Variants in BMPER observed in about 807,000 individuals in gnomAD.
The protein encoded by BMPER is BMP-binding endothelial regulator protein.
Under a neutral mutation model 87.3 loss-of-function variants are expected in BMPER, and 45 were observed. The ratio of observed to expected loss-of-function variants is 0.52; its 90% CI spans 0.41 to 0.66. The LOEUF (loss-of-function observed/expected upper bound fraction) is 0.66, where lower values mean the gene tolerates loss of function less well. Ranked by LOEUF, BMPER falls within the 30% of genes least tolerant of loss-of-function variation. The probability of loss-of-function intolerance (pLI) is 0.00; values close to 1 mark genes in which losing one functional copy is unlikely to be tolerated. For synonymous variants in BMPER, 326 were observed against 316.2 expected (o/e 1.03, Z -0.33); for missense variants, 784 against 867.5 (o/e 0.90, Z 1.21).
intron 13 of BMPER, among the ~76,000 whole-genome samples, chr7:34,122,060 C>A (rs1790276889): frequency 7.2e-6 from 1 of 137,956 alleles, no homozygotes; most frequent in Admixed American, 7.5e-5. Context: ...GAGTTGGATG[C>A]TGCAGTGAGG....
chr7:34,054,698 G>T (rs183093543), intron 8 of BMPER, among the ~76,000 whole-genome samples: 1 of 152,176 alleles, frequency 6.6e-6, no homozygotes, highest in Non-Finnish European at 1.5e-5. Context: ...TCCTGAGGTG[G>T]TGCCTTTGCT....
chr7:34,130,004 T>C (rs1790538337), intron 13 of BMPER, among the ~76,000 whole-genome samples: 1 of 152,196 alleles, frequency 6.6e-6, no homozygotes, highest in Non-Finnish European at 1.5e-5. Flanking sequence ...ATTTGGCTAC[T>C]AGCAATGATA....
At chr7:33,923,730 G>A (rs1423110455) in intron 2 of BMPER, among the ~76,000 whole-genome samples, 4 of 152,226 alleles carry the variant, frequency 2.6e-5, no homozygotes, top group Admixed American at 2.6e-4. Context: ...ACATTTATGT[G>A]TCTATGTGGG....
chr7:34,143,184 G>A (rs763875949), intron 13 of BMPER, 46 bp from the exon 14 acceptor site: 1 of 1,611,052 alleles, frequency 6.2e-7, no homozygotes, highest in Admixed American at 1.7e-5. Flanking sequence ...GGGTGTTTAT[G>A]GTTTGATATT....
intron 5 of BMPER, among the ~76,000 whole-genome samples, chr7:33,974,441 C>T (rs191832975): frequency 6.6e-6 from 1 of 152,278 alleles, no homozygotes; most frequent in African/African-American, 2.4e-5. Flanking sequence ...AAGCACGGCT[C>T]TCTATGCTGC....
At chr7:34,019,062 C>G (rs990049941) in intron 6 of BMPER, among the ~76,000 whole-genome samples, 1 of 151,978 alleles carries the variant, frequency 6.6e-6, no homozygotes, top group African/African-American at 2.4e-5. Context: ...AGATGGATGA[C>G]TTGCTTGACA....
chr7:33,905,896 C>T (rs1783801394), intron 1 of BMPER, 150 bp downstream of exon 1: 4 of 1,159,586 alleles, frequency 3.4e-6, no homozygotes, highest in South Asian at 1.5e-5. Flanking sequence ...AGCGAAGCCC[C>T]GGGAGGGCTG....
intron 12 of BMPER, among the ~76,000 whole-genome samples, chr7:34,079,932 T>C (rs1788969572): frequency 6.6e-6 from 1 of 152,186 alleles, no homozygotes; most frequent in Non-Finnish European, 1.5e-5. Context: ...TGTTACTTGC[T>C]ACCTAAGAAA....
chr7:33,932,387 G>A (rs922530234), intron 2 of BMPER, among the ~76,000 whole-genome samples: 1 of 152,306 alleles, frequency 6.6e-6, no homozygotes, highest in South Asian at 2.1e-4. Context: ...CAACCTCACA[G>A]CCTTCTTAGT....
intron 11 of BMPER, among the ~76,000 whole-genome samples, chr7:34,069,256 T>G (rs2127969243): frequency 6.6e-6 from 1 of 152,196 alleles, no homozygotes; most frequent in Admixed American, 6.5e-5. Flanking sequence ...GCTGTGAAAC[T>G]TAAAAAATAC....
rs139102472 is a variant in BMPER, at chr7:33,965,502, C to T, written c.320-977C>T. On this transcript the variant is annotated intron_variant, in intron 3 of 14. Coordinates refer to ENST00000649409, the MANE Select transcript of BMPER (RefSeq NM_001365308.1). Reference sequence around the variant, plus strand: ...TGTGAATTGAGGTTGATTAGCTTGCCAGAAATCAGTCATTGAAACAGAGAG... The same window carrying T: ...TGTGAATTGAGGTTGATTAGCTTGCTAGAAATCAGTCATTGAAACAGAGAG... Among the ~76,000 whole-genome samples the T allele has an allele frequency of 8.9e-3, 1,361 of 152,154 alleles. 6 individuals are homozygous for T. Among genetic ancestry groups the T allele is most frequent in the Non-Finnish European group, 0.013 (893 of 67,988 alleles).
intron 6 of BMPER, among the ~76,000 whole-genome samples, chr7:34,026,716 A>G (rs774996951): frequency 9.9e-5 from 15 of 152,094 alleles, no homozygotes; most frequent in Non-Finnish European, 1.9e-4. Flanking sequence ...GTTTTTAGAG[A>G]AAAAGTGCAA....
intron 6 of BMPER, among the ~76,000 whole-genome samples, chr7:33,981,299 T>G (rs1785851321): frequency 6.6e-6 from 1 of 152,222 alleles, no homozygotes; most frequent in Non-Finnish European, 1.5e-5. Context: ...AGCACTGGTC[T>G]TATATCTCAT....
chr7:34,017,253 G>A (rs912995246), intron 6 of BMPER, among the ~76,000 whole-genome samples: 1 of 151,864 alleles, frequency 6.6e-6, no homozygotes, highest in African/African-American at 2.4e-5. Flanking sequence ...TGAGTGTATT[G>A]GTCTGTTATG....
At chr7:34,132,682 G>T (rs185729847) in intron 13 of BMPER, among the ~76,000 whole-genome samples, 1 of 152,244 alleles carries the variant, frequency 6.6e-6, no homozygotes, top group East Asian at 1.9e-4. Context: ...TCTGGGCTGG[G>T]GGCTTTTAAA....
At chr7:34,121,193 TCTA>T (rs1790256815) in intron 13 of BMPER, among the ~76,000 whole-genome samples, 1 of 152,108 alleles carries the variant, frequency 6.6e-6, no homozygotes, top group South Asian at 2.1e-4. Context: ...CAAAGAGATT[TCTA>T]CTATCCTCTT....
chr7:34,079,288 G>T (rs934740692), intron 12 of BMPER, 102 bp downstream of exon 12: 2 of 1,487,194 alleles, frequency 1.3e-6, no homozygotes, highest in African/African-American at 1.4e-5. Context: ...TTCCTCCTCC[G>T]AGCAAAAACC....
chr7:33,931,028 T>A (rs1006619946), intron 2 of BMPER, among the ~76,000 whole-genome samples: 18 of 152,158 alleles, frequency 1.2e-4, no homozygotes, highest in African/African-American at 4.3e-4. Context: ...TTTGTTTCCG[T>A]CTCTTCATTC....
intron 13 of BMPER, among the ~76,000 whole-genome samples, chr7:34,124,470 G>A (rs1289363029): frequency 6.7e-6 from 1 of 148,450 alleles, no homozygotes; most frequent in African/African-American, 2.5e-5. Context: ...TTTTGTGACA[G>A]TAATGGATTA....
Sources: gnomAD v4.1 joint callset for allele counts (sites outside exome capture counted in the v4.1 genomes callset) on GRCh38, gnomAD v4.1.1 for gene constraint, MANE v1.5 for transcripts, NCBI Gene and HGNC (gene_info 2026-07-23, HGNC 2026-07-21) for gene names.